Variants in UNC13C observed in about 807,000 individuals in gnomAD.
The protein encoded by UNC13C is unc-13 homolog C, also known as protein unc-13 homolog C.
UNC13C carries 174 observed loss-of-function variants against 245.4 expected under a neutral mutation model. The observed-to-expected ratio is 0.71, with a 90% confidence interval of 0.63 to 0.80. The LOEUF is 0.80. Among genes scored for constraint, UNC13C ranks in the 30% least tolerant of loss-of-function variants. The pLI is 0.00. For synonymous variants in UNC13C, 992 were observed against 895.1 expected (o/e 1.11, Z -1.93); for missense variants, 2,829 against 2,602.9 (o/e 1.09, Z -1.89).
chr15:54,303,973 G>T (rs1596181835), intron 13 of UNC13C, among the ~76,000 whole-genome samples: 1 of 152,116 alleles, frequency 6.6e-6, no homozygotes, highest in East Asian at 1.9e-4. Context: ...CAGGTATATT[G>T]GGTCTCATTG....
chr15:53,999,736 TG>T (rs1222116029), intron 1 of UNC13C, among the ~76,000 whole-genome samples: 2 of 152,090 alleles, frequency 1.3e-5, no homozygotes, highest in Admixed American at 6.6e-5. Flanking sequence ...TTTGGTATGT[TG>T]TTTTTTTAAA....
chr15:54,222,993 A>C (rs2035272738), intron 4 of UNC13C, among the ~76,000 whole-genome samples: 1 of 151,758 alleles, frequency 6.6e-6, no homozygotes, highest in African/African-American at 2.4e-5. Flanking sequence ...TCTGGTTATT[A>C]ATCTCTTGTC....
At chr15:54,307,814 G>A (rs895243455) in intron 13 of UNC13C, among the ~76,000 whole-genome samples, 12 of 151,868 alleles carry the variant, frequency 7.9e-5, no homozygotes, top group African/African-American at 2.9e-4. Context: ...GCATCTTTGA[G>A]AAGCTATGAT....
At chr15:54,207,534 T>C (rs898965076) in intron 4 of UNC13C, among the ~76,000 whole-genome samples, 1 of 152,060 alleles carries the variant, frequency 6.6e-6, no homozygotes, top group Non-Finnish European at 1.5e-5. Flanking sequence ...ATAAGCCTAC[T>C]GGCATTTTAC....
intron 1 of UNC13C, among the ~76,000 whole-genome samples, chr15:53,983,494 C>T (rs1894007322): frequency 6.6e-6 from 1 of 152,062 alleles, no homozygotes; most frequent in Non-Finnish European, 1.5e-5. Flanking sequence ...AAAATTAATA[C>T]TTGATTCTTT....
chr15:53,933,508 G>T, the UNC13C span, among the ~76,000 whole-genome samples: 1 of 152,112 alleles, frequency 6.6e-6, no homozygotes, highest in Non-Finnish European at 1.5e-5. Context: ...AGCACTGGGG[G>T]TGGATACACC....
intron 8 of UNC13C, among the ~76,000 whole-genome samples, chr15:54,255,902 C>A (rs755727336): frequency 6.6e-6 from 1 of 152,136 alleles, no homozygotes; most frequent in Non-Finnish European, 1.5e-5. Flanking sequence ...AGTTCCTTAA[C>A]CCAAAGGAAT....
the UNC13C span, among the ~76,000 whole-genome samples, chr15:53,889,575 A>G: frequency 6.6e-6 from 1 of 152,222 alleles, no homozygotes; most frequent in Admixed American, 6.5e-5. Context: ...CCTGGCCAGA[A>G]CTTCCAATAC....
the UNC13C span, chr15:53,948,257 G>A: frequency 6.6e-6 from 1 of 152,182 alleles, no homozygotes; most frequent in South Asian, 2.1e-4. Flanking sequence ...AGTGGTTCTT[G>A]TGGAGATTAA....
At chr15:53,899,763 A>T in the UNC13C span, among the ~76,000 whole-genome samples, 5 of 152,048 alleles carry the variant, frequency 3.3e-5, no homozygotes, top group Non-Finnish European at 5.9e-5. Flanking sequence ...TGGTTGCTCC[A>T]TGTTGGTCAA....
intron 18 of UNC13C, among the ~76,000 whole-genome samples, chr15:54,411,752 TA>T (rs896450612): frequency 5.9e-5 from 9 of 152,138 alleles, no homozygotes; most frequent in African/African-American, 2.2e-4. Context: ...TCTTTACTTT[TA>T]AAAAAACATT....
intron 30 of UNC13C, among the ~76,000 whole-genome samples, chr15:54,587,274 G>A (rs1288560354): frequency 2.7e-5 from 4 of 147,714 alleles, no homozygotes; most frequent in Non-Finnish European, 5.9e-5. Flanking sequence ...ACAAATACGA[G>A]GTGAAATGAC....
intron 20 of UNC13C, among the ~76,000 whole-genome samples, chr15:54,499,039 G>T (rs905968241): frequency 6.6e-6 from 1 of 152,092 alleles, no homozygotes; most frequent in Non-Finnish European, 1.5e-5. Context: ...CTGCTATAAA[G>T]AAATACCTGA....
intron 4 of UNC13C, among the ~76,000 whole-genome samples, chr15:54,184,536 C>G (rs140634069): frequency 6.6e-6 from 1 of 151,714 alleles, no homozygotes; most frequent in Non-Finnish European, 1.5e-5. Context: ...TTTGTCCTTG[C>G]GATAGTTTGC....
intron 2 of UNC13C, among the ~76,000 whole-genome samples, chr15:54,043,402 CCAGT>C (rs1466451861): frequency 2.8e-4 from 42 of 152,150 alleles, no homozygotes; most frequent in Admixed American, 7.2e-4. Context: ...ATTTTGAAGC[CCAGT>C]CAAAGTTTCC....
intron 19 of UNC13C, among the ~76,000 whole-genome samples, chr15:54,476,972 C>T (rs1892782434): frequency 7.6e-6 from 1 of 131,942 alleles, no homozygotes; most frequent in Non-Finnish European, 1.6e-5. Flanking sequence ...TTTGTATCCT[C>T]TTTTATTTCC....
At chr15:54,372,628 G>A (rs1279937152) in intron 17 of UNC13C, among the ~76,000 whole-genome samples, 2 of 152,092 alleles carry the variant, frequency 1.3e-5, no homozygotes, top group African/African-American at 4.8e-5. Flanking sequence ...TACTAAATAT[G>A]TTTTTCCATG....
In UNC13C at chr15:54,322,115, C is replaced by T; in HGVS notation, c.4425+20C>T. The T allele has an allele frequency of 6.5e-7, 1 of 1,530,122 alleles. No individual in the cohort carries two copies. Among genetic ancestry groups the T allele is most frequent in the Non-Finnish European group, 8.8e-7 (1 of 1,140,612 alleles). The allele number at this position is 1,530,122 out of a possible 1,614,324, so 94.8% of individuals were successfully genotyped here. A position where few individuals can be genotyped will look rare whatever the true frequency, so the allele number is the denominator to read the frequency against. ...TTTGGTGTAAGTATAATTTTTTAAA[C>T]TTTAAAATTCCTAGCAGCTTATGGG... On this transcript the variant is annotated intron_variant, in intron 14 of 32. Coordinates refer to ENST00000260323, the MANE Select transcript of UNC13C (RefSeq NM_001080534.3).
At chr15:54,605,458 T>C (rs941692922) in intron 30 of UNC13C, among the ~76,000 whole-genome samples, 2 of 152,212 alleles carry the variant, frequency 1.3e-5, no homozygotes, top group Admixed American at 1.3e-4. Context: ...TCTTTTGTCT[T>C]GCTTTGGAGC....
Sources: gnomAD v4.1 joint callset for allele counts (sites outside exome capture counted in the v4.1 genomes callset) on GRCh38, gnomAD v4.1.1 for gene constraint, MANE v1.5 for transcripts, NCBI Gene and HGNC (gene_info 2026-07-23, HGNC 2026-07-21) for gene names.